TMPRSS9: variants seen among roughly 807,000 people sequenced by gnomAD.
TMPRSS9 encodes transmembrane protease serine 9.
In TMPRSS9, 113 loss-of-function variants were observed where a neutral mutation model predicts 111.4. The observed-to-expected ratio is 1.01, with a 90% CI of 0.87 to 1.19. The LOEUF is 1.19. TMPRSS9 is among the 50% of genes most tolerant of loss of function. The probability of loss-of-function intolerance (pLI) is 0.00; values close to 1 mark genes in which losing one functional copy is unlikely to be tolerated. For missense variants in TMPRSS9, 1,803 were observed against 1,513.1 expected, an observed-to-expected ratio of 1.19 and a Z score of -3.18; for synonymous variants, 805 against 659.1, an observed-to-expected ratio of 1.22 and a Z score of -3.39.
At chr19:2,398,929 GA>G (rs2145313614) in intron 3 of TMPRSS9, 67 bp downstream of exon 4, 1 of 1,534,372 alleles carries the variant, frequency 6.5e-7, no homozygotes, top group African/African-American at 1.4e-5. Flanking sequence ...GAGGAGTCCA[GA>G]AAAGTTTGGA....
Position 2,418,376 on chromosome 19 carries a change from C to T in TMPRSS9, c.2154+238C>T, listed in dbSNP as rs1454632059. Among the ~76,000 whole-genome samples, 7 of 51,850 alleles carry T rather than the reference C, an allele frequency of 1.4e-4. 1 individual carries two copies. The highest frequency in any genetic ancestry group is 5.7e-4 in the African/African-American group (6 of 10,482). The allele number at this position is 51,850 out of a possible 152,430, so 34.0% of individuals were successfully genotyped here. A position where few individuals can be genotyped will look rare whatever the true frequency, so the allele number is the denominator to read the frequency against. On this transcript the variant is annotated intron_variant, in intron 13 of 17. Transcript: ENST00000648592. ...CTCCCTCCCTCCCTTCCCTTCCCTC[C>T]CTCCCTTTCCTTCCCTCCCTGGCCT... is the stretch of plus-strand genomic sequence containing the variant.
At chr19:2,425,016 A>G (rs377515078) in exon 16 of TMPRSS9, 2 of 1,537,824 alleles carry the variant, frequency 1.3e-6, no homozygotes, top group African/African-American at 2.8e-5. Context: ...GGGGACCCCA[A>G]GCAGTGGGCG....
chr19:2,386,202 G>A (rs895314877), upstream of TMPRSS9, among the ~76,000 whole-genome samples: 6 of 152,058 alleles, frequency 3.9e-5, no homozygotes, highest in African/African-American at 9.7e-5. Context: ...GTCCTGCCGC[G>A]GCCTCTTAAG....
chr19:2,400,309 A>C (rs564867732), intron 4 of TMPRSS9, among the ~76,000 whole-genome samples: 1 of 152,206 alleles, frequency 6.6e-6, no homozygotes, highest in Non-Finnish European at 1.5e-5. Context: ...TGGGAGGCCA[A>C]GGTGGGCTGA....
At position 2,421,881 on chromosome 19, in the gene TMPRSS9, G is replaced by T; in HGVS notation, c.2182G>T (p.Glu728Ter). The T allele has an allele frequency of 6.2e-7, 1 of 1,609,796 alleles. No individual in the cohort carries two copies. Among genetic ancestry groups the T allele is most frequent in the Non-Finnish European group, 8.5e-7 (1 of 1,177,882 alleles). Residue 728 changes from glutamate (E) to a stop codon, truncating the protein, a stop_gained, in exon 14 of 18, where the codon GAG becomes TAG. Transcript: ENST00000648592. LOFTEE classifies it high-confidence loss of function. ...TGACTCTGGGGGCCCCCTGGCCTGC[G>T]AGGAGGCCCCTGGCGTGTTTTATCT...
intron 1 of TMPRSS9, among the ~76,000 whole-genome samples, chr19:2,369,292 A>C (rs1247770506): frequency 1.2e-4 from 19 of 152,140 alleles, no homozygotes. Flanking sequence ...TGAGTACGAA[A>C]GTGGAGCTGC....
intron 13 of TMPRSS9, 69 bp downstream of exon 14, chr19:2,418,207 C>A (rs991728862): frequency 2.8e-5 from 42 of 1,498,554 alleles, no homozygotes; most frequent in Non-Finnish European, 3.7e-5. Context: ...CCCAGCAGTT[C>A]TTTGTGTGCA....
chr19:2,425,177 G>T (rs753166234), exon 16 of TMPRSS9: 2 of 1,554,154 alleles, frequency 1.3e-6, no homozygotes, highest in Non-Finnish European at 8.6e-7. Flanking sequence ...CAGCCGCCTG[G>T]TGCGTCCCAT....
intron 12 of TMPRSS9, 108 bp from the exon 14 acceptor site, chr19:2,417,894 T>G: frequency 6.9e-7 from 1 of 1,443,542 alleles, no homozygotes; most frequent in South Asian, 1.3e-5. Context: ...CCCTGGTTTC[T>G]TCGTCTGTGG....
At chr19:2,369,265 ATT>A (rs70947737) in intron 1 of TMPRSS9, among the ~76,000 whole-genome samples, 47,836 of 151,962 alleles carry the variant, frequency 0.31, 7,632 homozygotes, top group Middle Eastern at 0.4. Context: ...TTTAAAAAAA[ATT>A]TTTTTGTACC....
intron 5 of TMPRSS9, 73 bp from the exon 7 acceptor site, chr19:2,403,009 G>C (rs2145329829): frequency 9.5e-7 from 1 of 1,050,496 alleles, no homozygotes; most frequent in East Asian, 2.5e-5. Context: ...GTGGTACTAA[G>C]TATAGCATGG....
intron 1 of TMPRSS9, among the ~76,000 whole-genome samples, chr19:2,367,015 T>C (rs1425497315): frequency 1.3e-5 from 2 of 152,098 alleles, no homozygotes; most frequent in African/African-American, 4.8e-5. Context: ...TGCTCGAGCA[T>C]CCTGACAACA....
At position 2,402,036 on chromosome 19, in the gene TMPRSS9, C is replaced by G; in HGVS notation, c.556+20C>G. 6.2e-7 allele frequency: 1 copy of G among 1,606,326 alleles called. No individual in the cohort carries two copies. The highest frequency in any genetic ancestry group is 8.5e-7 in the Non-Finnish European group (1 of 1,175,208). ...AATCAGGTATGTTTTTCTCTCTGGC[C>G]TTTTCTCTGATTGCAGTTACTGACA... On this transcript the variant is annotated intron_variant, in intron 5 of 17. Transcript: ENST00000648592.
chr19:2,390,031 C>G, intron 1 of TMPRSS9, 104 bp downstream of exon 2: 2 of 1,460,254 alleles, frequency 1.4e-6, no homozygotes, highest in Non-Finnish European at 1.9e-6. Flanking sequence ...AATCAAAGGG[C>G]AGTGTCTAGG....
intron 1 of TMPRSS9, among the ~76,000 whole-genome samples, chr19:2,383,427 A>G (rs1970409974): frequency 6.6e-6 from 1 of 151,498 alleles, no homozygotes; most frequent in Admixed American, 6.6e-5. Flanking sequence ...TGAGGCAGGA[A>G]GATGGCTTGA....
exon 17 of TMPRSS9, chr19:2,425,468 C>T (rs776827234): frequency 1.3e-6 from 2 of 1,590,546 alleles, no homozygotes; most frequent in South Asian, 1.1e-5. Context: ...GCCGGCTTCC[C>T]GCAGGGTGGC....
intron 15 of TMPRSS9, 95 bp from the exon 17 acceptor site, chr19:2,424,907 G>A: frequency 7.4e-7 from 1 of 1,346,842 alleles, no homozygotes; most frequent in South Asian, 1.7e-5. Flanking sequence ...CAATAACCCT[G>A]CCCAGGGTGC....
At chr19:2,415,958 TC>T (rs1184526858) in intron 11 of TMPRSS9, 117 bp downstream of exon 12, 13 of 1,228,526 alleles carry the variant, frequency 1.1e-5, no homozygotes, top group Non-Finnish European at 1.4e-5. Context: ...CAGCCCTTCC[TC>T]TCCTGAGGGC....
chr19:2,386,377 C>T (rs913323186), upstream of TMPRSS9, among the ~76,000 whole-genome samples: 43 of 151,836 alleles, frequency 2.8e-4, no homozygotes, highest in Non-Finnish European at 5.4e-4. Flanking sequence ...TGGTGGCGGG[C>T]GCCTGTAGTC....
Sources: gnomAD v4.1 joint callset for allele counts (sites outside exome capture counted in the v4.1 genomes callset) on GRCh38, gnomAD v4.1.1 for gene constraint, MANE v1.5 for transcripts, NCBI Gene and HGNC (gene_info 2026-07-23, HGNC 2026-07-21) for gene names.